The following BTBD9 variants were observed in gnomAD, a reference collection of about 807,000 sequenced individuals.
The protein encoded by BTBD9 is BTB domain containing 9.
A neutral mutation model predicts 64.3 loss-of-function variants in BTBD9; 49 were observed. The ratio of observed to expected loss-of-function variants is 0.76; its 90% CI spans 0.61 to 0.97. BTBD9 has a LOEUF of 0.97. Among genes scored for constraint, BTBD9 ranks in the 50% least tolerant of loss-of-function variants. The pLI is 0.00. For synonymous variants in BTBD9, 260 were observed against 274.7 expected (o/e 0.95, Z 0.53); for missense variants, 598 against 762.1 (o/e 0.78, Z 2.53).
In BTBD9 at chr6:38,173,205, GC is replaced by G; in HGVS notation, c.*1779del. 6.6e-6 allele frequency: 1 copy of G among 152,442 alleles called. No individual in the cohort carries two copies. The highest frequency in any genetic ancestry group is 1.9e-4 in the East Asian group (1 of 5,196). The allele number at this position is 152,442 out of a possible 1,614,324, so 9.4% of individuals were successfully genotyped here. On this transcript the variant is annotated 3_prime_UTR_variant, in exon 11 of 11. Coordinates refer to ENST00000481247, the MANE Select transcript of BTBD9 (RefSeq NM_001099272.2). ...GCTAATTGGCAACCCGGGGCTGGGGGCTGACAGAGTCAGCAACCATGCTGGA... is the reference window on the plus strand; with the variant it reads ...GCTAATTGGCAACCCGGGGCTGGGGGTGACAGAGTCAGCAACCATGCTGGA...
chr6:38,547,383 T>A (rs1774601113), intron 6 of BTBD9, among the ~76,000 whole-genome samples: 1 of 152,158 alleles, frequency 6.6e-6, no homozygotes, highest in African/African-American at 2.4e-5. Context: ...TGAGCCATGA[T>A]CATGATGCTG....
intron 6 of BTBD9, among the ~76,000 whole-genome samples, chr6:38,516,799 A>G (rs982930032): frequency 1.3e-5 from 2 of 152,228 alleles, no homozygotes; most frequent in African/African-American, 4.8e-5. Context: ...GATATTTAAT[A>G]AAAAGAAAAT....
chr6:38,298,855 C>CTTTTTTT (rs113386216), intron 7 of BTBD9, among the ~76,000 whole-genome samples: 3 of 146,136 alleles, frequency 2.1e-5, no homozygotes, highest in East Asian at 2.0e-4. Context: ...GTATTTCATT[C>CTTTTTTT]TTTTTTTTTT....
At chr6:38,275,763 G>A (rs1220441775) in intron 8 of BTBD9, among the ~76,000 whole-genome samples, 1 of 152,124 alleles carries the variant, frequency 6.6e-6, no homozygotes, top group Non-Finnish European at 1.5e-5. Flanking sequence ...ACCATCACTG[G>A]CCATCAGAGA....
intron 6 of BTBD9, among the ~76,000 whole-genome samples, chr6:38,479,549 G>A (rs1771035974): frequency 6.6e-6 from 1 of 151,916 alleles, no homozygotes; most frequent in Admixed American, 6.5e-5. Context: ...TCCAAGCCCA[G>A]GCTTGAATCA....
At chr6:38,212,613 A>G (rs143245139) in intron 9 of BTBD9, among the ~76,000 whole-genome samples, 19 of 151,524 alleles carry the variant, frequency 1.3e-4, no homozygotes, top group Admixed American at 7.2e-4. Context: ...GCTTGGCCAC[A>G]CCCCTTGCCA....
chr6:38,567,773 G>A (rs553168932), intron 6 of BTBD9, among the ~76,000 whole-genome samples: 13 of 152,142 alleles, frequency 8.5e-5, no homozygotes, highest in Non-Finnish European at 1.8e-4. Context: ...AATGATGACT[G>A]AGAAAGCTCT....
chr6:38,258,847 A>G (rs1028413084), intron 8 of BTBD9, among the ~76,000 whole-genome samples: 1 of 152,174 alleles, frequency 6.6e-6, no homozygotes, highest in Non-Finnish European at 1.5e-5. Context: ...CTGAGATCAT[A>G]CCACTGCACT....
At chr6:38,613,760 C>T (rs768989480) in intron 1 of BTBD9, among the ~76,000 whole-genome samples, 71 of 152,254 alleles carry the variant, frequency 4.7e-4, no homozygotes, top group Non-Finnish European at 7.5e-4. Flanking sequence ...GGGGTACTGA[C>T]ATTCCTGTAG....
chr6:38,238,597 C>A (rs935761292), intron 9 of BTBD9, among the ~76,000 whole-genome samples: 2 of 151,796 alleles, frequency 1.3e-5, no homozygotes, highest in Admixed American at 1.3e-4. Flanking sequence ...CTCAGCCTCC[C>A]GAGTAGCTGG....
At chr6:38,443,963 C>T (rs765417798) in intron 6 of BTBD9, among the ~76,000 whole-genome samples, 9 of 152,130 alleles carry the variant, frequency 5.9e-5, no homozygotes, top group Non-Finnish European at 1.2e-4. Flanking sequence ...TGGTTTCCTG[C>T]CTCTACAGGC....
rs544246948 is a variant in BTBD9, at chr6:38,327,504, C to G, written c.1264+17480G>C. 3.3e-5 allele frequency among the ~76,000 whole-genome samples: 5 copies of G among 152,330 alleles called. No individual in the cohort carries two copies. The South Asian group carries it at 1.0e-3, about 32-fold the overall frequency. ...CACATCACTATTTTAATAAGTAATACTGTAATGCCCCAAAGACTGCCAAAA... is the reference window on the plus strand; with the variant it reads ...CACATCACTATTTTAATAAGTAATAGTGTAATGCCCCAAAGACTGCCAAAA... On this transcript the variant is annotated intron_variant, in intron 7 of 10. Coordinates refer to ENST00000481247, the MANE Select transcript of BTBD9 (RefSeq NM_001099272.2).
At chr6:38,545,575 C>G (rs900769906) in intron 6 of BTBD9, among the ~76,000 whole-genome samples, 2 of 151,530 alleles carry the variant, frequency 1.3e-5, no homozygotes, top group African/African-American at 4.8e-5. Flanking sequence ...GTCAGGAGAT[C>G]GAGACCATCC....
chr6:38,283,550 G>A (rs990725428), intron 8 of BTBD9, among the ~76,000 whole-genome samples: 2 of 152,218 alleles, frequency 1.3e-5, no homozygotes, highest in African/African-American at 4.8e-5. Context: ...TCAAGAGGCT[G>A]AAGTGGGAGG....
chr6:38,519,622 T>C (rs1733988543), intron 6 of BTBD9, among the ~76,000 whole-genome samples: 1 of 152,226 alleles, frequency 6.6e-6, no homozygotes, highest in Non-Finnish European at 1.5e-5. Context: ...AGTCCCACTC[T>C]GCTGGCAGTG....
chr6:38,556,522 T>C (rs947706515), intron 6 of BTBD9, among the ~76,000 whole-genome samples: 8 of 72,022 alleles, frequency 1.1e-4, no homozygotes, highest in Non-Finnish European at 1.6e-4. Context: ...TGTGTGTGTG[T>C]GTGTGTGTGT....
At chr6:38,337,475 T>C (rs1012252981) in intron 7 of BTBD9, among the ~76,000 whole-genome samples, 2 of 152,238 alleles carry the variant, frequency 1.3e-5, no homozygotes, top group Non-Finnish European at 1.5e-5. Context: ...ACTTCTGTAA[T>C]GCTCCTTAAT....
At chr6:38,260,455 G>A (rs1468703870) in intron 8 of BTBD9, among the ~76,000 whole-genome samples, 3 of 152,128 alleles carry the variant, frequency 2.0e-5, no homozygotes, top group Admixed American at 6.5e-5. Context: ...TGGTCAGTCC[G>A]TTTTGGGATA....
chr6:38,194,239 C>G (rs1582031086), intron 9 of BTBD9, among the ~76,000 whole-genome samples: 1 of 152,104 alleles, frequency 6.6e-6, no homozygotes, highest in East Asian at 1.9e-4. Context: ...ACACTCATGT[C>G]CTTCCTCCAG....
Sources: allele counts gnomAD v4.1 joint callset (sites outside exome capture counted in the v4.1 genomes callset), GRCh38; gene constraint gnomAD v4.1.1; transcripts MANE v1.5; gene names NCBI Gene and HGNC (gene_info 2026-07-23, HGNC 2026-07-21).